Variants in RARB observed in about 807,000 individuals in gnomAD.
The protein encoded by RARB is HBV-activated protein.
RARB carries 17 observed loss-of-function variants against 51.9 expected under a neutral mutation model. That is an observed-to-expected ratio of 0.33 (90% CI 0.22 to 0.49). RARB has a LOEUF of 0.49. Among genes scored for constraint, RARB ranks in the 20% least tolerant of loss-of-function variants. The pLI is 0.99. For synonymous variants in RARB, 215 were observed against 195.4 expected (o/e 1.10, Z -0.84); for missense variants, 369 against 550.8 (o/e 0.67, Z 3.30).
At chr3:25,014,253 CT>C (rs1297183993) in intron 2 of RARB, among the ~76,000 whole-genome samples, 2 of 151,882 alleles carry the variant, frequency 1.3e-5, no homozygotes, top group African/African-American at 4.8e-5. Flanking sequence ...CATGGCTGGT[CT>C]TTTGCATTGT....
chr3:24,940,967 G>T (rs562191214), intron 2 of RARB, among the ~76,000 whole-genome samples: 10 of 152,204 alleles, frequency 6.6e-5, no homozygotes, highest in African/African-American at 1.9e-4. Context: ...AATTTCTAAA[G>T]AACTTTTAAG....
intron 3 of RARB, among the ~76,000 whole-genome samples, chr3:25,090,135 TC>T (rs1289293758): frequency 6.6e-6 from 1 of 152,132 alleles, no homozygotes; most frequent in Non-Finnish European, 1.5e-5. Flanking sequence ...AAAATCCATT[TC>T]CTTGAAGGAG....
At chr3:25,129,685 A>G (rs865774056) in intron 3 of RARB, among the ~76,000 whole-genome samples, 3 of 152,086 alleles carry the variant, frequency 2.0e-5, no homozygotes, top group Non-Finnish European at 2.9e-5. Context: ...AATGACTACT[A>G]TAAATTTCTA....
intron 5 of RARB, among the ~76,000 whole-genome samples, chr3:25,190,105 G>A (rs1391314227): frequency 1.3e-5 from 2 of 152,088 alleles, no homozygotes; most frequent in East Asian, 1.9e-4. Context: ...GTTGGGGGAA[G>A]AGGAGGAATA....
chr3:25,019,420 G>A (rs1434378201), intron 2 of RARB, among the ~76,000 whole-genome samples: 5 of 152,236 alleles, frequency 3.3e-5, no homozygotes, highest in Admixed American at 6.5e-5. Flanking sequence ...AGTGGGGTCC[G>A]GTTGGGATTG....
intron 1 of RARB, among the ~76,000 whole-genome samples, chr3:24,850,459 A>G (rs747397343): frequency 5.3e-5 from 8 of 152,204 alleles, no homozygotes; most frequent in Non-Finnish European, 1.0e-4. Flanking sequence ...GGGATGTTAG[A>G]TACTCCCACG....
intron 1 of RARB, among the ~76,000 whole-genome samples, chr3:24,831,625 T>C (rs898690716): frequency 6.6e-6 from 1 of 151,714 alleles, no homozygotes; most frequent in South Asian, 2.1e-4. Flanking sequence ...AAAAAATACA[T>C]GATGCTTATA....
intron 5 of RARB, among the ~76,000 whole-genome samples, chr3:25,364,847 T>C (rs764180492): frequency 3.3e-5 from 5 of 152,252 alleles, no homozygotes; most frequent in Non-Finnish European, 7.3e-5. Flanking sequence ...GAAAGATTTG[T>C]ACAAGCTGCC....
intron 4 of RARB, among the ~76,000 whole-genome samples, chr3:25,576,741 T>C (rs1253399862): frequency 6.6e-6 from 1 of 152,122 alleles, no homozygotes; most frequent in Non-Finnish European, 1.5e-5. Flanking sequence ...AGCCACAGGC[T>C]GCACCATGCC....
At chr3:25,033,552 G>A (rs543913343) in intron 2 of RARB, among the ~76,000 whole-genome samples, 2 of 152,158 alleles carry the variant, frequency 1.3e-5, no homozygotes, top group Non-Finnish European at 2.9e-5. Context: ...CAGGTCCACT[G>A]CCAAGCATCT....
chr3:25,361,665 CGTG>C (rs1424151490), intron 5 of RARB, among the ~76,000 whole-genome samples: 20 of 152,036 alleles, frequency 1.3e-4, no homozygotes, highest in African/African-American at 3.6e-4. Context: ...TGAGTTTTTG[CGTG>C]GTCATCCTTT....
intron 5 of RARB, among the ~76,000 whole-genome samples, chr3:25,398,279 C>A (rs949447744): frequency 2.0e-5 from 3 of 152,112 alleles, no homozygotes; most frequent in Non-Finnish European, 2.9e-5. Context: ...TCACCATTAA[C>A]TACAGGACCC....
chr3:25,036,534 C>G (rs1697998648), intron 2 of RARB, among the ~76,000 whole-genome samples: 1 of 152,116 alleles, frequency 6.6e-6, no homozygotes. Context: ...TGTGCCAACA[C>G]TGGAAATGTG....
chr3:24,925,980 C>T (rs573617228), intron 2 of RARB, among the ~76,000 whole-genome samples: 6 of 152,240 alleles, frequency 3.9e-5, no homozygotes, highest in Admixed American at 3.3e-4. Flanking sequence ...AACGCACACA[C>T]TCCTGTCTGT....
chr3:24,900,184 C>G (rs778004767), intron 2 of RARB, among the ~76,000 whole-genome samples: 1 of 152,130 alleles, frequency 6.6e-6, no homozygotes, highest in Non-Finnish European at 1.5e-5. Flanking sequence ...TTGGTAGACT[C>G]CAAGGATTGT....
chr3:24,873,891 T>C (rs1446716584), intron 2 of RARB, among the ~76,000 whole-genome samples: 1 of 152,056 alleles, frequency 6.6e-6, no homozygotes. Flanking sequence ...AGTTAGCCCT[T>C]TGTACCCATA....
intron 4 of RARB, among the ~76,000 whole-genome samples, chr3:25,161,686 G>A (rs1700475350): frequency 1.3e-5 from 2 of 152,132 alleles, no homozygotes; most frequent in Non-Finnish European, 2.9e-5. Context: ...ATATTCTTGT[G>A]CATATCTCTT....
At chr3:24,912,975 C>CTTT (rs386396163) in intron 2 of RARB, among the ~76,000 whole-genome samples, 1,634 of 74,910 alleles carry the variant, frequency 0.022, 213 homozygotes, top group African/African-American at 0.046. Context: ...GGTACTGATT[C>CTTT]TTTTTTTTTT....
At chr3:25,120,897 T>C (rs1699773857) in intron 3 of RARB, among the ~76,000 whole-genome samples, 1 of 152,120 alleles carries the variant, frequency 6.6e-6, no homozygotes, top group African/African-American at 2.4e-5. Flanking sequence ...ATGGCCACTT[T>C]CCCATGGCAG....
Sources: gnomAD v4.1 joint callset for allele counts (sites outside exome capture counted in the v4.1 genomes callset) on GRCh38, gnomAD v4.1.1 for gene constraint, MANE v1.5 for transcripts, NCBI Gene and HGNC (gene_info 2026-07-23, HGNC 2026-07-21) for gene names.